GLMN: variants seen among roughly 807,000 people sequenced by gnomAD.
GLMN encodes glomulin, FKBP associated protein, also known as glomulin.
In GLMN, 75 loss-of-function variants were observed where a neutral mutation model predicts 87.8. The observed-to-expected ratio is 0.85, with a 90% CI of 0.71 to 1.04. The LOEUF (loss-of-function observed/expected upper bound fraction) is 1.04, where lower values mean the gene tolerates loss of function less well. Among genes scored for constraint, GLMN ranks in the 50% least tolerant of loss-of-function variants. GLMN has a pLI of 0.00. For synonymous variants in GLMN, 206 were observed against 221.6 expected, an observed-to-expected ratio of 0.93 and a Z score of 0.63; for missense variants, 588 against 658.8, an observed-to-expected ratio of 0.89 and a Z score of 1.18.
chr1:92,250,698 A>G (rs1457697480), intron 16 of GLMN, among the ~76,000 whole-genome samples: 3 of 152,200 alleles, frequency 2.0e-5, no homozygotes, highest in Non-Finnish European at 4.4e-5. Context: ...AAAAATGGAG[A>G]ATAAACAATT....
intron 3 of GLMN, among the ~76,000 whole-genome samples, chr1:92,294,049 A>G (rs1021730017): frequency 2.0e-5 from 3 of 152,066 alleles, no homozygotes; most frequent in Non-Finnish European, 1.5e-5. Flanking sequence ...ATTTGATAGC[A>G]CAACAGGGTG....
intron 7 of GLMN, among the ~76,000 whole-genome samples, chr1:92,279,696 C>A (rs1268977683): frequency 1.3e-5 from 2 of 152,198 alleles, no homozygotes; most frequent in East Asian, 3.9e-4. Flanking sequence ...ATTTCCCCTT[C>A]CTAGCCAAGG....
chr1:92,262,555 C>G (rs1249583649), intron 16 of GLMN, among the ~76,000 whole-genome samples: 1 of 152,178 alleles, frequency 6.6e-6, no homozygotes, highest in African/African-American at 2.4e-5. Flanking sequence ...CTGAACAAGA[C>G]ACCATATGTA....
chr1:92,362,990 T>C, the GLMN span, among the ~76,000 whole-genome samples: 273 of 152,310 alleles, frequency 1.8e-3, 3 homozygotes, highest in African/African-American at 6.0e-3. Flanking sequence ...AGCTAATTCT[T>C]TGCAGCCAAG....
At chr1:92,365,646 G>C in the GLMN span, among the ~76,000 whole-genome samples, 2 of 152,202 alleles carry the variant, frequency 1.3e-5, no homozygotes, top group Non-Finnish European at 2.9e-5. Context: ...TAGTTTGAAA[G>C]GTTCCTCTTG....
intron 16 of GLMN, among the ~76,000 whole-genome samples, chr1:92,249,424 T>C (rs1223174166): frequency 6.6e-6 from 1 of 152,098 alleles, no homozygotes; most frequent in Non-Finnish European, 1.5e-5. Flanking sequence ...AGCCACACAG[T>C]ATAACAAGCA....
chr1:92,293,227 A>T (rs1193689669), intron 3 of GLMN, among the ~76,000 whole-genome samples: 2 of 152,226 alleles, frequency 1.3e-5, no homozygotes, highest in Non-Finnish European at 2.9e-5. Flanking sequence ...TTATCATCAG[A>T]GAAATGCAAA....
intron 8 of GLMN, among the ~76,000 whole-genome samples, chr1:92,270,120 A>G (rs1410077177): frequency 6.6e-6 from 1 of 152,218 alleles, no homozygotes; most frequent in Non-Finnish European, 1.5e-5. Context: ...ATTGTGAGCA[A>G]ATCACCAGAA....
chr1:92,280,263 GA>G (rs1647860101), intron 7 of GLMN, among the ~76,000 whole-genome samples: 2 of 152,234 alleles, frequency 1.3e-5, no homozygotes, highest in Non-Finnish European at 2.9e-5. Flanking sequence ...AAAGCTTCCA[GA>G]GGAAGGATCA....
At chr1:92,319,058 G>C in the GLMN span, among the ~76,000 whole-genome samples, 1 of 152,142 alleles carries the variant, frequency 6.6e-6, no homozygotes, top group Non-Finnish European at 1.5e-5. Context: ...AGAGAAAAAA[G>C]GGAGAGGTTT....
chr1:92,266,508 C>G lies in GLMN; in HGVS notation c.1141-16G>C, dbSNP rs750785976. Reference sequence around the variant, plus strand: ...TCTTTTTCCTCTAAAATGGAACAAACAATATTATTATATAAAATGAATAAA... The same window carrying G: ...TCTTTTTCCTCTAAAATGGAACAAAGAATATTATTATATAAAATGAATAAA... On this transcript the variant is annotated splice_polypyrimidine_tract_variant and intron_variant, in intron 12 of 18. Coordinates refer to ENST00000370360, the MANE Select transcript of GLMN (RefSeq NM_053274.3). The G allele has an allele frequency of 3.5e-6, 5 of 1,441,576 alleles. No individual in the cohort carries two copies. The highest frequency in any genetic ancestry group is 4.9e-6 in the Non-Finnish European group (5 of 1,026,618). 89.3% of individuals were successfully genotyped at this position (1,441,576 alleles called of 1,614,324 possible).
chr1:92,286,268 G>C (rs991420418), intron 7 of GLMN, among the ~76,000 whole-genome samples: 1 of 149,926 alleles, frequency 6.7e-6, no homozygotes, highest in Non-Finnish European at 1.5e-5. Flanking sequence ...TTATATATAT[G>C]TATTATTATA....
At chr1:92,302,337 A>G (rs1557586291), upstream of GLMN, among the ~76,000 whole-genome samples, 1 of 151,736 alleles carries the variant, frequency 6.6e-6, no homozygotes, top group Non-Finnish European at 1.5e-5. Context: ...GGAGAAAAAA[A>G]AAAAAAGAAA....
At chr1:92,337,298 G>A in the GLMN span, among the ~76,000 whole-genome samples, 12 of 152,096 alleles carry the variant, frequency 7.9e-5, no homozygotes, top group African/African-American at 2.9e-4. Context: ...ATAGTCAGCT[G>A]TTAGATTTCT....
chr1:92,273,917 T>A (rs1444891137), intron 7 of GLMN, among the ~76,000 whole-genome samples: 1 of 152,040 alleles, frequency 6.6e-6, no homozygotes, highest in Non-Finnish European at 1.5e-5. Context: ...ACCATACAAT[T>A]TCTCAATATT....
the GLMN span, among the ~76,000 whole-genome samples, chr1:92,331,630 A>C: frequency 4.6e-5 from 7 of 152,044 alleles, no homozygotes; most frequent in African/African-American, 1.2e-4. Context: ...ATCCCTCTTG[A>C]CTTATGTTCT....
chr1:92,280,594 A>G (rs1647909904), intron 7 of GLMN, among the ~76,000 whole-genome samples: 1 of 152,220 alleles, frequency 6.6e-6, no homozygotes, highest in South Asian at 2.1e-4. Flanking sequence ...CAGCAAGGGA[A>G]CAAAACTGGA....
chr1:92,347,513 T>G, the GLMN span, among the ~76,000 whole-genome samples: 2 of 152,196 alleles, frequency 1.3e-5, no homozygotes, highest in African/African-American at 4.8e-5. Flanking sequence ...TTACTGAAAG[T>G]ATTATCATCA....
chr1:92,342,898 T>C, the GLMN span, among the ~76,000 whole-genome samples: 3 of 152,180 alleles, frequency 2.0e-5, no homozygotes, highest in Admixed American at 2.0e-4. Context: ...CAATTTTGGC[T>C]CTACCAAATT....
Sources: gnomAD v4.1 joint callset for allele counts (sites outside exome capture counted in the v4.1 genomes callset) on GRCh38, gnomAD v4.1.1 for gene constraint, MANE v1.5 for transcripts, NCBI Gene and HGNC (gene_info 2026-07-23, HGNC 2026-07-21) for gene names.